The following ANK3 variants were observed in gnomAD, a reference collection of about 807,000 sequenced individuals.
The protein encoded by ANK3 is ankyrin 3, also known as ankyrin-3.
Under a neutral mutation model 370.9 loss-of-function variants are expected in ANK3, and 57 were observed. The ratio of observed to expected loss-of-function variants is 0.15; its 90% confidence interval spans 0.12 to 0.19. The LOEUF is 0.19. Ranked by LOEUF, ANK3 falls within the 10% of genes least tolerant of loss-of-function variation. The pLI is 1.00. For synonymous variants in ANK3, 1,929 were observed against 1,946.3 expected, an observed-to-expected ratio of 0.99 and a Z score of 0.23; for missense variants, 4,439 against 5,302.1, an observed-to-expected ratio of 0.84 and a Z score of 5.06.
chr10:60,640,839 A>C (rs2133350404), intron 1 of ANK3, among the ~76,000 whole-genome samples: 1 of 98,862 alleles, frequency 1.0e-5, no homozygotes, highest in South Asian at 4.7e-4. Flanking sequence ...GGAAAAGAGG[A>C]AGTCAAATTG....
Position 60,069,381 on chromosome 10 carries a change from C to G in ANK3, c.11500G>C (p.Val3834Leu), listed in dbSNP as rs750004682. The stretch of plus-strand genomic sequence containing the variant: ...TCTCTTACACAGTGTCCTTGTAGTA[C>G]CCCTGTCTTTTTTCCTGATGAGACT... ...VKVSSGKKTG[V>L]LQGHCVRDKQ... The change falls in exon 37 of 44, where the codon GTA becomes CTA. Residue 3834 changes from valine to leucine, a missense_variant. Physicochemically the swap from Val to Leu is conservative, Grantham distance 32. Coordinates refer to ENST00000280772, the MANE Select transcript of ANK3 (RefSeq NM_020987.5). 6.2e-7 allele frequency: 1 copy of G among 1,613,678 alleles called. No homozygotes were observed. Among genetic ancestry groups the G allele is most frequent in the African/African-American group, 1.3e-5 (1 of 74,920 alleles).
chr10:60,067,200 T>A (rs746888963), intron 38 of ANK3, among the ~76,000 whole-genome samples: 2 of 152,198 alleles, frequency 1.3e-5, no homozygotes, highest in Non-Finnish European at 2.9e-5. Context: ...GGCATGAATT[T>A]TATAGAATTC....
intron 1 of ANK3, among the ~76,000 whole-genome samples, chr10:60,715,627 T>C (rs937259545): frequency 1.3e-5 from 2 of 152,188 alleles, no homozygotes; most frequent in Non-Finnish European, 2.9e-5. Context: ...TTTGTATTTC[T>C]TTCTAAAACC....
intron 23 of ANK3, among the ~76,000 whole-genome samples, chr10:60,149,571 A>G (rs1325077919): frequency 6.6e-6 from 1 of 152,160 alleles, no homozygotes. Context: ...TCACTCTATC[A>G]TAGCTTCTTG....
chr10:60,669,561 A>T (rs1340176017), intron 1 of ANK3, among the ~76,000 whole-genome samples: 1 of 152,122 alleles, frequency 6.6e-6, no homozygotes, highest in Non-Finnish European at 1.5e-5. Flanking sequence ...AATGATCTTC[A>T]GGTTTCCAGA....
chr10:60,475,238 G>A (rs974056685), intron 2 of ANK3, among the ~76,000 whole-genome samples: 2 of 152,024 alleles, frequency 1.3e-5, no homozygotes, highest in East Asian at 1.9e-4. Context: ...GGATCATACC[G>A]ATAGCCATCT....
Position 60,655,800 on chromosome 10 carries a change from G to A in ANK3, c.58-40576C>T, listed in dbSNP as rs529483756. On this transcript the variant is annotated intron_variant, in intron 1 of 43. Coordinates refer to the ANK3 transcript ENST00000373827. Reference sequence around the variant, plus strand: ...TTCCAGTCCTGCAAGCTCCATTCATGGGAAGTGCCCTACACAGGTGTACCA... The same window carrying A: ...TTCCAGTCCTGCAAGCTCCATTCATAGGAAGTGCCCTACACAGGTGTACCA... Among the ~76,000 whole-genome samples the A allele has an allele frequency of 9.2e-5, 14 of 152,190 alleles. No homozygotes were observed. The South Asian group carries it at 2.9e-3, about 32-fold the overall frequency.
intron 23 of ANK3, among the ~76,000 whole-genome samples, chr10:60,145,744 A>G (rs10994220): frequency 0.016 from 2,473 of 152,276 alleles, 60 homozygotes; most frequent in East Asian, 0.074. Flanking sequence ...TGCGCTGGCC[A>G]TACAAAACTT....
intron 18 of ANK3, among the ~76,000 whole-genome samples, chr10:60,177,291 C>G (rs2095995762): frequency 6.6e-6 from 1 of 152,180 alleles, no homozygotes; most frequent in South Asian, 2.1e-4. Flanking sequence ...ACAGTGTCAG[C>G]TAATACCTTG....
chr10:60,303,694 AT>A (rs1231775686), intron 1 of ANK3, among the ~76,000 whole-genome samples: 1 of 152,188 alleles, frequency 6.6e-6, no homozygotes, highest in Non-Finnish European at 1.5e-5. Flanking sequence ...TCAATGAAAA[AT>A]TAAAAACAGA....
At chr10:60,125,356 G>A (rs1047969787) in intron 25 of ANK3, among the ~76,000 whole-genome samples, 2 of 152,190 alleles carry the variant, frequency 1.3e-5, no homozygotes, top group East Asian at 3.8e-4. Flanking sequence ...CCCAGCTTGA[G>A]ACATCAAAAC....
intron 28 of ANK3, among the ~76,000 whole-genome samples, chr10:60,089,743 A>G (rs2087732543): frequency 6.6e-6 from 1 of 152,104 alleles, no homozygotes; most frequent in Admixed American, 6.5e-5. Context: ...ATAGGAATAG[A>G]CAAATAGGTT....
At chr10:60,135,836 C>G (rs977735308) in intron 24 of ANK3, among the ~76,000 whole-genome samples, 11 of 152,150 alleles carry the variant, frequency 7.2e-5, no homozygotes, top group Admixed American at 6.5e-4. Context: ...AGGCCTCATT[C>G]TAAGTGTCTA....
chr10:60,560,040 CATAG>C (rs756089866), intron 2 of ANK3, among the ~76,000 whole-genome samples: 31 of 151,492 alleles, frequency 2.0e-4, no homozygotes, highest in African/African-American at 2.7e-4. Context: ...ATCTGTCATT[CATAG>C]ATAGATAGAT....
chr10:60,308,461 A>G (rs911030281), intron 1 of ANK3, among the ~76,000 whole-genome samples: 4 of 151,954 alleles, frequency 2.6e-5, no homozygotes, highest in Non-Finnish European at 5.9e-5. Context: ...ATTTTAGTAG[A>G]GATGGGGTTT....
At chr10:60,186,967 A>G (rs757495486) in intron 16 of ANK3, 55 bp from the exon 17 acceptor site, 39 of 1,511,490 alleles carry the variant, frequency 2.6e-5, no homozygotes, top group Non-Finnish European at 3.3e-5. Context: ...AAATGTGCAC[A>G]GTGCATTTTC....
intron 1 of ANK3, among the ~76,000 whole-genome samples, chr10:60,634,770 A>G (rs144841446): frequency 0.044 from 6,746 of 152,088 alleles, 183 homozygotes; most frequent in Middle Eastern, 0.075. Flanking sequence ...TCACTCCTGA[A>G]GCCAGCGAGA....
chr10:60,671,338 C>A (rs2079062176), intron 1 of ANK3, among the ~76,000 whole-genome samples: 1 of 152,176 alleles, frequency 6.6e-6, no homozygotes, highest in South Asian at 2.1e-4. Flanking sequence ...GGTCCCTACA[C>A]AGGATCTTCC....
intron 12 of ANK3, 32 bp downstream of exon 12, chr10:60,202,970 C>A (rs1183940058): frequency 1.3e-6 from 2 of 1,502,956 alleles, no homozygotes; most frequent in Admixed American, 3.6e-5. Context: ...TAAATACTCA[C>A]AATGGACCTC....
Sources: allele counts gnomAD v4.1 joint callset (sites outside exome capture counted in the v4.1 genomes callset), GRCh38; gene constraint gnomAD v4.1.1; transcripts MANE v1.5; gene names NCBI Gene and HGNC (gene_info 2026-07-23, HGNC 2026-07-21).